JAZF1: variants seen among roughly 807,000 people sequenced by gnomAD.
JAZF1 encodes the protein JAZF zinc finger 1.
Under a neutral mutation model 26.4 loss-of-function variants are expected in JAZF1, and 8 were observed. The ratio of observed to expected loss-of-function variants is 0.30; its 90% CI spans 0.18 to 0.55. The LOEUF (loss-of-function observed/expected upper bound fraction) is 0.55. Ranked by LOEUF, JAZF1 falls within the 20% of genes least tolerant of loss-of-function variation. The pLI, the probability that JAZF1 is intolerant of heterozygous loss-of-function variation, is 0.94. For missense variants in JAZF1, 199 were observed against 322.0 expected (o/e 0.62, Z 2.92); for synonymous variants, 126 against 122.3 (o/e 1.03, Z -0.20).
chr7:28,044,715 G>A (rs760114219), intron 1 of JAZF1, among the ~76,000 whole-genome samples: 1 of 152,088 alleles, frequency 6.6e-6, no homozygotes, highest in East Asian at 1.9e-4. Flanking sequence ...AATGAAAAAC[G>A]ATGTCATTTA....
At chr7:28,153,210 T>C (rs1009430949) in intron 1 of JAZF1, among the ~76,000 whole-genome samples, 1 of 152,128 alleles carries the variant, frequency 6.6e-6, no homozygotes, top group Non-Finnish European at 1.5e-5. Flanking sequence ...ATACAGTTCT[T>C]AACACTGTCA....
Position 28,157,531 on chromosome 7 carries a change from T to C in JAZF1, c.115+22932A>G, listed in dbSNP as rs572430617. On this transcript the variant is annotated intron_variant, in intron 1 of 4. Coordinates refer to ENST00000283928, the MANE Select transcript of JAZF1 (RefSeq NM_175061.4). ...CAACCATTTAAAAATGTAAAAGCTA[T>C]TCTTAGTATGCGGGCTGTACAAAAA... 7.2e-5 allele frequency among the ~76,000 whole-genome samples: 11 copies of C among 152,342 alleles called. No individual in the cohort carries two copies. The South Asian group carries it at 2.3e-3, about 32-fold the overall frequency.
At chr7:27,851,042 A>G (rs751353562) in intron 3 of JAZF1, among the ~76,000 whole-genome samples, 5 of 152,158 alleles carry the variant, frequency 3.3e-5, no homozygotes, top group Non-Finnish European at 5.9e-5. Flanking sequence ...TCCCGGGTTC[A>G]AATGATTCTC....
At chr7:27,969,626 C>A (rs1419206050) in intron 2 of JAZF1, among the ~76,000 whole-genome samples, 10 of 152,242 alleles carry the variant, frequency 6.6e-5, no homozygotes, top group Admixed American at 6.5e-4. Flanking sequence ...AGTGAAAAAA[C>A]CAAACAACAA....
chr7:27,852,351 C>A (rs540078209), intron 3 of JAZF1, among the ~76,000 whole-genome samples: 1 of 152,162 alleles, frequency 6.6e-6, no homozygotes, highest in East Asian at 1.9e-4. Flanking sequence ...CCAGGCTGGT[C>A]ATGAACTCTT....
chr7:28,111,846 C>T (rs1784665893), intron 1 of JAZF1, among the ~76,000 whole-genome samples: 1 of 152,178 alleles, frequency 6.6e-6, no homozygotes, highest in African/African-American at 2.4e-5. Flanking sequence ...GGCTCTGTGC[C>T]TTGCAGCCAG....
chr7:27,962,747 G>A (rs898281334), intron 2 of JAZF1, among the ~76,000 whole-genome samples: 1 of 152,114 alleles, frequency 6.6e-6, no homozygotes, highest in Non-Finnish European at 1.5e-5. Flanking sequence ...TTTAGTCCTG[G>A]AATTAAAATC....
At chr7:27,909,336 C>T (rs1784319109) in intron 2 of JAZF1, among the ~76,000 whole-genome samples, 1 of 151,906 alleles carries the variant, frequency 6.6e-6, no homozygotes, top group East Asian at 1.9e-4. Context: ...GTGTGTAAAT[C>T]TTGGGTATGG....
rs546033361 is a variant in JAZF1, at chr7:27,906,122, G to A, written c.189-10706C>T. ...GGTGGAATTGCTTGAAATATGCTAA[G>A]CAAACGAAAGAAGGCAAATACAAGG... On this transcript the variant is annotated intron_variant, in intron 2 of 4. Coordinates refer to ENST00000283928, the MANE Select transcript of JAZF1 (RefSeq NM_175061.4). 2.6e-5 allele frequency among the ~76,000 whole-genome samples: 4 copies of A among 152,282 alleles called. No individual in the cohort carries two copies. In the South Asian group the frequency reaches 8.3e-4, roughly 32 times the overall value.
intron 2 of JAZF1, among the ~76,000 whole-genome samples, chr7:27,987,044 G>A (rs1229579873): frequency 1.3e-5 from 2 of 152,132 alleles, no homozygotes; most frequent in Non-Finnish European, 2.9e-5. Flanking sequence ...GCCTCCCAAA[G>A]TGCTGAGATT....
intron 3 of JAZF1, among the ~76,000 whole-genome samples, chr7:27,860,371 T>C (rs1783357600): frequency 1.3e-5 from 2 of 152,212 alleles, no homozygotes; most frequent in Non-Finnish European, 1.5e-5. Flanking sequence ...TTGGCTTCAT[T>C]AGTATTCAAT....
Position 28,111,229 on chromosome 7 carries a change from T to C in JAZF1, c.115+69234A>G, listed in dbSNP as rs17156396. ...TCCAGTTAAGTTAAATAAATACTTA[T>C]TGCAAATCTACCGTAGGCTTGCCTG... On this transcript the variant is annotated intron_variant, in intron 1 of 4. Coordinates refer to ENST00000283928, the MANE Select transcript of JAZF1 (RefSeq NM_175061.4). Among the ~76,000 whole-genome samples the C allele has an allele frequency of 0.013, 1,981 of 152,296 alleles. 136 individuals are homozygous for C. In the East Asian group the frequency reaches 0.22, roughly 17 times the overall value.
chr7:28,099,381 C>A (rs1286477660), intron 1 of JAZF1, among the ~76,000 whole-genome samples: 1 of 147,952 alleles, frequency 6.8e-6, no homozygotes, highest in East Asian at 2.0e-4. Context: ...TTTTTTTTTA[C>A]AGCTAATAAA....
At chr7:27,899,126 T>G (rs1457497558) in intron 2 of JAZF1, among the ~76,000 whole-genome samples, 1 of 152,190 alleles carries the variant, frequency 6.6e-6, no homozygotes, top group African/African-American at 2.4e-5. Context: ...GTAAGTAAAT[T>G]CTCAAGTTTT....
intron 1 of JAZF1, among the ~76,000 whole-genome samples, chr7:28,007,892 CT>C (rs1418969315): frequency 1.3e-5 from 2 of 151,684 alleles, no homozygotes; most frequent in Non-Finnish European, 2.9e-5. Flanking sequence ...CACTAGAGTT[CT>C]TTTTTTTCCT....
intron 1 of JAZF1, among the ~76,000 whole-genome samples, chr7:28,001,587 G>A (rs1488438633): frequency 6.6e-6 from 1 of 152,172 alleles, no homozygotes; most frequent in Admixed American, 6.5e-5. Context: ...AAGACAGTTT[G>A]AGCAGATAAA....
At chr7:27,993,060 T>C (rs17156115) in intron 1 of JAZF1, among the ~76,000 whole-genome samples, 5,811 of 152,274 alleles carry the variant, frequency 0.038, 626 homozygotes, top group East Asian at 0.37. Flanking sequence ...AAAATCAATT[T>C]ACAATGCTTT....
At chr7:27,905,781 A>G (rs1227312421) in intron 2 of JAZF1, among the ~76,000 whole-genome samples, 1 of 152,140 alleles carries the variant, frequency 6.6e-6, no homozygotes, top group Non-Finnish European at 1.5e-5. Context: ...AAATATAGGA[A>G]GAGCATAATC....
At chr7:27,970,101 C>A (rs1169365472) in intron 2 of JAZF1, among the ~76,000 whole-genome samples, 1 of 151,984 alleles carries the variant, frequency 6.6e-6, no homozygotes, top group African/African-American at 2.4e-5. Context: ...AACTAGACAC[C>A]TGGAAGTATC....
Sources: allele counts gnomAD v4.1 joint callset (sites outside exome capture counted in the v4.1 genomes callset), GRCh38; gene constraint gnomAD v4.1.1; transcripts MANE v1.5; gene names NCBI Gene and HGNC (gene_info 2026-07-23, HGNC 2026-07-21).